Variants in UBA2 observed in about 807,000 individuals in gnomAD.
UBA2 encodes the protein SUMO-activating enzyme subunit 2.
Under a neutral mutation model 77.2 loss-of-function variants are expected in UBA2, and 11 were observed. The observed-to-expected ratio is 0.14, with a 90% CI of 0.09 to 0.24. The LOEUF is 0.24. Among genes scored for constraint, UBA2 ranks in the 10% least tolerant of loss-of-function variants. The probability of loss-of-function intolerance (pLI) is 1.00; values close to 1 mark genes in which losing one functional copy is unlikely to be tolerated. For missense variants in UBA2, 487 were observed against 781.7 expected, an observed-to-expected ratio of 0.62 and a Z score of 4.50; for synonymous variants, 278 against 276.7, an observed-to-expected ratio of 1.00 and a Z score of -0.05.
intron 8 of UBA2, among the ~76,000 whole-genome samples, chr19:34,448,288 A>C (rs150007175): frequency 4.2e-4 from 64 of 152,226 alleles, no homozygotes; most frequent in African/African-American, 1.5e-3. Flanking sequence ...TATGGTGAAG[A>C]TCAGTGGAAT....
intron 10 of UBA2, among the ~76,000 whole-genome samples, chr19:34,452,590 A>C (rs1034537223): frequency 2.0e-5 from 3 of 152,216 alleles, no homozygotes; most frequent in Admixed American, 2.0e-4. Flanking sequence ...CAAAAATGAG[A>C]TGTAATTATT....
intron 16 of UBA2, among the ~76,000 whole-genome samples, chr19:34,467,916 GT>G (rs2145574413): frequency 6.6e-6 from 1 of 152,196 alleles, no homozygotes; most frequent in Non-Finnish European, 1.5e-5. Context: ...GCAGGTTGGG[GT>G]TTTGTATGCT....
At chr19:34,465,491 G>A (rs2075677570) in intron 15 of UBA2, among the ~76,000 whole-genome samples, 1 of 152,054 alleles carries the variant, frequency 6.6e-6, no homozygotes, top group African/African-American at 2.4e-5. Context: ...ACAAAAATTA[G>A]CTGGGTGTGG....
At chr19:34,437,814 G>A (rs1407937047) in intron 5 of UBA2, among the ~76,000 whole-genome samples, 1 of 152,128 alleles carries the variant, frequency 6.6e-6, no homozygotes, top group East Asian at 1.9e-4. Context: ...AGCACTTTTG[G>A]GAAGCCAAGG....
chr19:34,463,081 AGT>A (rs2075649362), intron 14 of UBA2, among the ~76,000 whole-genome samples: 1 of 151,146 alleles, frequency 6.6e-6, no homozygotes, highest in Admixed American at 6.6e-5. Context: ...TGGACAACAG[AGT>A]GAGACTCTGT....
Position 34,460,529 on chromosome 19 carries a change from A to G in UBA2, c.1461A>G (p.Gly487=). The part of the protein sequence containing the change: ...APDVQIEDGK[G]TILISSEEGE... ...ATGTCCAAATTGAAGATGGGAAAGGAACAATCCTAATATCTTCCGAAGAGG... is the reference window on the plus strand; with the variant it reads ...ATGTCCAAATTGAAGATGGGAAAGGGACAATCCTAATATCTTCCGAAGAGG... Residue 487 remains glycine, a synonymous_variant, in exon 14 of 17, where the codon GGA becomes GGG. Transcript: ENST00000246548. 1 of 1,612,360 alleles carries G rather than the reference A, an allele frequency of 6.2e-7. No individual in the cohort carries two copies. The highest frequency in any genetic ancestry group is 8.5e-7 in the Non-Finnish European group (1 of 1,179,294).
At chr19:34,455,414 C>G (rs1381075977) in intron 12 of UBA2, among the ~76,000 whole-genome samples, 1 of 152,166 alleles carries the variant, frequency 6.6e-6, no homozygotes, top group African/African-American at 2.4e-5. Context: ...TTAAGGCTAA[C>G]ACTACTTGGA....
At chr19:34,459,069 C>T (rs2075603497) in intron 13 of UBA2, 145 bp downstream of exon 13, 1 of 841,766 alleles carries the variant, frequency 1.2e-6, no homozygotes. Flanking sequence ...TTCTGGATTC[C>T]TGCAGGCTTT....
rs768821964 is a variant in UBA2, at chr19:34,431,878, A to G, written c.240A>G (p.Val80=). ...TTTTCCAGGTTGCCAAGGAAAGTGT[A>G]CTGCAGTTTTACCCGAAAGCTAATA... ...RSKAQVAKES[V]LQFYPKANIV... is the part of the protein sequence containing the mutation. Residue 80 remains valine (V), a synonymous_variant, in exon 3 of 17, where the codon GTA becomes GTG. Coordinates refer to ENST00000246548, the MANE Select transcript of UBA2 (RefSeq NM_005499.3). 1 of 1,613,210 alleles carries G rather than the reference A, an allele frequency of 6.2e-7. No homozygotes were observed. Among genetic ancestry groups the G allele is most frequent in the Non-Finnish European group, 8.5e-7 (1 of 1,179,272 alleles).
chr19:34,435,755 C>T (rs887914065), intron 5 of UBA2, among the ~76,000 whole-genome samples: 19 of 151,348 alleles, frequency 1.3e-4, no homozygotes, highest in East Asian at 3.9e-4. Context: ...GCTTGAACCT[C>T]GGAGGTGGAG....
chr19:34,433,795 C>CA (rs1249905414), intron 4 of UBA2, among the ~76,000 whole-genome samples: 2 of 151,954 alleles, frequency 1.3e-5, no homozygotes, highest in East Asian at 3.9e-4. Flanking sequence ...CCGTCTCTAC[C>CA]AAAAAACACA....
Position 34,433,331 on chromosome 19 carries a change from T to C in UBA2, c.294-17T>C. 6.3e-7 allele frequency: 1 copy of C among 1,599,744 alleles called. No homozygotes were observed. The highest frequency in any genetic ancestry group is 8.5e-7 in the Non-Finnish European group (1 of 1,169,854). Reference sequence around the variant, plus strand: ...AGGCTAGTTATTTTGGTGACCTTTTTTTATTTTGTTTTGTAGCCCTGACTA... The same window carrying C: ...AGGCTAGTTATTTTGGTGACCTTTTCTTATTTTGTTTTGTAGCCCTGACTA... On this transcript the variant is annotated splice_polypyrimidine_tract_variant and intron_variant, in intron 3 of 16. Transcript: ENST00000246548.
chr19:34,429,794 C>T (rs1312615775), intron 1 of UBA2, among the ~76,000 whole-genome samples: 1 of 151,976 alleles, frequency 6.6e-6, no homozygotes, highest in East Asian at 1.9e-4. Flanking sequence ...TGTGTTTGCA[C>T]CACTGCACTC....
intron 1 of UBA2, chr19:34,429,126 A>G (rs2075222131): frequency 5.1e-6 from 5 of 983,258 alleles, no homozygotes; most frequent in Non-Finnish European, 6.0e-6. Context: ...AGATGAGGAA[A>G]GGGAGACGCA....
In UBA2 at chr19:34,463,697, G is replaced by A. The variant is rs185196166; in HGVS notation, c.1499-329G>A. On this transcript the variant is annotated intron_variant, in intron 14 of 16. Coordinates refer to ENST00000246548, the MANE Select transcript of UBA2 (RefSeq NM_005499.3). ...ACACGCCTCACTGTGTAACTCCTGGGCTTCAGGAATCAATCCTTCCCTGGC... is the reference window on the plus strand; with the variant it reads ...ACACGCCTCACTGTGTAACTCCTGGACTTCAGGAATCAATCCTTCCCTGGC... Among the ~76,000 whole-genome samples the A allele has an allele frequency of 5.3e-5, 8 of 152,202 alleles. No individual in the cohort carries two copies. In the East Asian group the frequency reaches 1.5e-3, roughly 29 times the overall value.
chr19:34,464,649 T>C (rs1161156131), intron 15 of UBA2, among the ~76,000 whole-genome samples: 2 of 152,042 alleles, frequency 1.3e-5, no homozygotes, highest in South Asian at 2.1e-4. Context: ...CAGAAAGACC[T>C]AGAGTCCAGG....
chr19:34,448,991 C>T (rs1654109253), intron 8 of UBA2, among the ~76,000 whole-genome samples: 1 of 152,052 alleles, frequency 6.6e-6, no homozygotes, highest in African/African-American at 2.4e-5. Context: ...GATTCATCTC[C>T]TTGCCTTTGT....
intron 8 of UBA2, among the ~76,000 whole-genome samples, chr19:34,445,718 G>C (rs1332248182): frequency 6.6e-6 from 1 of 152,046 alleles, no homozygotes; most frequent in African/African-American, 2.4e-5. Context: ...GATTATAGGC[G>C]TGAGCCACTG....
chr19:34,458,939 T>A lies in UBA2; in HGVS notation c.1401+15T>A. Reference sequence around the variant, plus strand: ...TACAAGACAAGGTCAGTGCAAGGCCTGGGTCTCTTTTCCTTTTGCTTTTAC... The same window carrying A: ...TACAAGACAAGGTCAGTGCAAGGCCAGGGTCTCTTTTCCTTTTGCTTTTAC... On this transcript the variant is annotated intron_variant, in intron 13 of 16. Transcript: ENST00000246548. The A allele has an allele frequency of 6.2e-7, 1 of 1,603,974 alleles. No homozygotes were observed. Among genetic ancestry groups the A allele is most frequent in the Non-Finnish European group, 8.5e-7 (1 of 1,176,546 alleles).
Sources: gnomAD v4.1 joint callset for allele counts (sites outside exome capture counted in the v4.1 genomes callset) on GRCh38, gnomAD v4.1.1 for gene constraint, MANE v1.5 for transcripts, NCBI Gene and HGNC (gene_info 2026-07-23, HGNC 2026-07-21) for gene names.